AGBL1: variants seen among roughly 807,000 people sequenced by gnomAD.
AGBL1 encodes cytosolic carboxypeptidase 4.
Under a neutral mutation model 118.9 loss-of-function variants are expected in AGBL1, and 130 were observed. The ratio of observed to expected loss-of-function variants is 1.09; its 90% CI spans 0.95 to 1.26. The LOEUF (loss-of-function observed/expected upper bound fraction) is 1.26, where lower values mean the gene tolerates loss of function less well. AGBL1 is among the 50% of genes most tolerant of loss of function. AGBL1 has a pLI of 0.00. For synonymous variants in AGBL1, 555 were observed against 478.9 expected, an observed-to-expected ratio of 1.16 and a Z score of -2.08; for missense variants, 1,584 against 1,298.1, an observed-to-expected ratio of 1.22 and a Z score of -3.38.
chr15:86,672,443 C>T (rs546937012), intron 21 of AGBL1, among the ~76,000 whole-genome samples: 2 of 152,262 alleles, frequency 1.3e-5, no homozygotes, highest in Admixed American at 1.3e-4. Flanking sequence ...TTCTTTTAAC[C>T]TCTACAGAGC....
chr15:86,974,744 C>T (rs2081155704), intron 23 of AGBL1, among the ~76,000 whole-genome samples: 2 of 151,432 alleles, frequency 1.3e-5, no homozygotes, highest in Middle Eastern at 6.9e-3. Context: ...TTATGACTAT[C>T]AGTTTTTGAA....
At chr15:86,846,583 G>A (rs2141449300) in intron 22 of AGBL1, among the ~76,000 whole-genome samples, 1 of 152,298 alleles carries the variant, frequency 6.6e-6, no homozygotes, top group African/African-American at 2.4e-5. Flanking sequence ...CCAGGCTGGA[G>A]TGCAGTGGCG....
intron 21 of AGBL1, among the ~76,000 whole-genome samples, chr15:86,574,002 A>G (rs2084046476): frequency 6.6e-6 from 1 of 152,196 alleles, no homozygotes; most frequent in Non-Finnish European, 1.5e-5. Flanking sequence ...TTATTTTCTC[A>G]GATAAGCCAG....
At chr15:86,131,927 G>A (rs1464204726) in intron 1 of AGBL1, among the ~76,000 whole-genome samples, 5 of 148,118 alleles carry the variant, frequency 3.4e-5, no homozygotes, top group African/African-American at 1.0e-4. Context: ...CAGCCTGGGT[G>A]ACAGAGCAAG....
intron 22 of AGBL1, among the ~76,000 whole-genome samples, chr15:86,894,483 T>C (rs533515327): frequency 3.9e-5 from 6 of 152,170 alleles, no homozygotes; most frequent in Non-Finnish European, 8.8e-5. Context: ...CTCTCTGGCA[T>C]GTAGAATGCT....
intron 22 of AGBL1, among the ~76,000 whole-genome samples, chr15:86,805,737 C>T (rs2078706325): frequency 6.6e-6 from 1 of 152,050 alleles, no homozygotes; most frequent in Admixed American, 6.6e-5. Context: ...AAATAAAATG[C>T]TAATTTTGCC....
intron 22 of AGBL1, among the ~76,000 whole-genome samples, chr15:86,690,884 A>T (rs1312129995): frequency 6.6e-6 from 1 of 152,154 alleles, no homozygotes; most frequent in South Asian, 2.1e-4. Flanking sequence ...ACTGCAGGTG[A>T]CAAGATAAGC....
At chr15:86,556,322 A>G (rs776767129) in intron 21 of AGBL1, 1 of 1,562,438 alleles carries the variant, frequency 6.4e-7, no homozygotes, top group South Asian at 1.1e-5. Context: ...AATTTTCCAA[A>G]TGGCTTTTGC....
At chr15:86,117,304 C>T (rs1897825702) in intron 1 of AGBL1, among the ~76,000 whole-genome samples, 1 of 152,086 alleles carries the variant, frequency 6.6e-6, no homozygotes, top group East Asian at 1.9e-4. Context: ...GCAGTCTGCT[C>T]TCCTGACCAA....
intron 24 of AGBL1, among the ~76,000 whole-genome samples, chr15:87,005,444 C>G (rs1401738396): frequency 6.6e-6 from 1 of 152,124 alleles, no homozygotes; most frequent in Admixed American, 6.5e-5. Context: ...TTCATTTGAT[C>G]TTCAATCACT....
At chr15:86,257,095 A>G (rs1227773498) in intron 8 of AGBL1, 77 bp downstream of exon 8, 1 of 1,430,804 alleles carries the variant, frequency 7.0e-7, no homozygotes, top group Non-Finnish European at 9.5e-7. Flanking sequence ...CATGGGTGAA[A>G]ATAGAATTCG....
chr15:86,258,110 C>A, intron 9 of AGBL1, 79 bp downstream of exon 9: 1 of 1,457,138 alleles, frequency 6.9e-7, no homozygotes, highest in Non-Finnish European at 9.4e-7. Context: ...TGTGTTTGCC[C>A]AAGCCCAGTG....
chr15:86,373,016 T>G (rs973822568), intron 17 of AGBL1, among the ~76,000 whole-genome samples: 1 of 152,200 alleles, frequency 6.6e-6, no homozygotes, highest in East Asian at 1.9e-4. Flanking sequence ...CTTTTCTTTC[T>G]TTTTGTTTAT....
intron 21 of AGBL1, among the ~76,000 whole-genome samples, chr15:86,640,591 C>T (rs1476758633): frequency 1.3e-5 from 2 of 151,928 alleles, no homozygotes; most frequent in African/African-American, 4.8e-5. Context: ...AAATAATATT[C>T]CACTCAAATA....
intron 18 of AGBL1, among the ~76,000 whole-genome samples, chr15:86,421,368 G>T (rs544435098): frequency 3.3e-5 from 5 of 152,288 alleles, no homozygotes; most frequent in South Asian, 4.1e-4. Flanking sequence ...ATTCATAAGT[G>T]AAGGAGAATA....
chr15:86,469,058 A>C (rs1339295948), intron 18 of AGBL1, among the ~76,000 whole-genome samples: 2 of 151,682 alleles, frequency 1.3e-5, no homozygotes, highest in Non-Finnish European at 2.9e-5. Context: ...AATGTAGCCA[A>C]CACCTCACAA....
At chr15:86,155,685 T>C (rs2077179385) in intron 4 of AGBL1, among the ~76,000 whole-genome samples, 1 of 152,120 alleles carries the variant, frequency 6.6e-6, no homozygotes, top group Non-Finnish European at 1.5e-5. Context: ...ATATAGTTGA[T>C]AGGGGAAAGA....
intron 7 of AGBL1, among the ~76,000 whole-genome samples, chr15:86,252,643 G>C (rs935988683): frequency 1.3e-5 from 2 of 152,162 alleles, no homozygotes; most frequent in East Asian, 1.9e-4. Flanking sequence ...CTCCATGAAG[G>C]CACCCACATT....
chr15:86,743,363 C>T (rs1020983318), intron 22 of AGBL1, among the ~76,000 whole-genome samples: 2 of 152,182 alleles, frequency 1.3e-5, no homozygotes, highest in Non-Finnish European at 1.5e-5. Flanking sequence ...CTGTCACTCC[C>T]CTAGGTTCTG....
Sources: gnomAD v4.1 joint callset for allele counts (sites outside exome capture counted in the v4.1 genomes callset) on GRCh38, gnomAD v4.1.1 for gene constraint, MANE v1.5 for transcripts, NCBI Gene and HGNC (gene_info 2026-07-23, HGNC 2026-07-21) for gene names.